The following ANK1 variants were observed in gnomAD, a reference collection of about 807,000 sequenced individuals.
The protein encoded by ANK1 is ankyrin-1.
ANK1 carries 51 observed loss-of-function variants against 210.4 expected under a neutral mutation model. The observed-to-expected ratio is 0.24, with a 90% CI of 0.19 to 0.31. The LOEUF is 0.31. Ranked by LOEUF, ANK1 falls within the 10% of genes least tolerant of loss-of-function variation. The pLI is 1.00. For synonymous variants in ANK1, 967 were observed against 1,025.9 expected (o/e 0.94, Z 1.10); for missense variants, 2,051 against 2,504.4 (o/e 0.82, Z 3.86).
chr8:41,831,141 C>G (rs1806528918), intron 1 of ANK1, among the ~76,000 whole-genome samples: 1 of 152,164 alleles, frequency 6.6e-6, no homozygotes, highest in South Asian at 2.1e-4. Flanking sequence ...CGACGACCTT[C>G]CTTAAAACTA....
At chr8:41,788,539 A>G (rs1472896508) in intron 1 of ANK1, among the ~76,000 whole-genome samples, 1 of 152,156 alleles carries the variant, frequency 6.6e-6, no homozygotes, top group Non-Finnish European at 1.5e-5. Flanking sequence ...CACTCTTCCT[A>G]GCTGCAATCT....
At chr8:41,690,669 C>A in intron 31 of ANK1, 70 bp from the exon 32 acceptor site, 3 of 1,570,096 alleles carry the variant, frequency 1.9e-6, no homozygotes, top group Non-Finnish European at 2.6e-6. Context: ...CTTCCACCTT[C>A]GGTCCTTCCC....
intron 1 of ANK1, among the ~76,000 whole-genome samples, chr8:41,895,996 G>GCCCA (rs1468845785): frequency 2.0e-5 from 3 of 152,154 alleles, no homozygotes; most frequent in Non-Finnish European, 4.4e-5. Context: ...GAGCAGGGCA[G>GCCCA]CCCACCACCC....
At chr8:41,665,576 C>G (rs1471908978) in intron 39 of ANK1, 3 of 318,530 alleles carry the variant, frequency 9.4e-6, no homozygotes, top group Non-Finnish European at 1.8e-5. Flanking sequence ...ACTTGTGTGT[C>G]TCCTTGGGCT....
chr8:41,803,060 A>AAAGGAAGGAAGGAAGG (rs66466616), intron 1 of ANK1, among the ~76,000 whole-genome samples: 14 of 59,072 alleles, frequency 2.4e-4, no homozygotes, highest in Admixed American at 1.8e-3. Flanking sequence ...AGAAAGAGAG[A>AAAGGAAGGAAGGAAGG]AAGGAAGGAA....
At chr8:41,805,682 C>T (rs1043181978) in intron 1 of ANK1, among the ~76,000 whole-genome samples, 1 of 152,160 alleles carries the variant, frequency 6.6e-6, no homozygotes, top group African/African-American at 2.4e-5. Context: ...CACATTAATA[C>T]AGACAACATA....
intron 1 of ANK1, among the ~76,000 whole-genome samples, chr8:41,850,678 C>T (rs182667253): frequency 2.5e-4 from 38 of 152,300 alleles, no homozygotes; most frequent in Non-Finnish European, 4.4e-4. Flanking sequence ...ATGGGAATCT[C>T]ACTATGTTGC....
At chr8:41,676,924 T>A (rs1204805472) in intron 37 of ANK1, among the ~76,000 whole-genome samples, 2 of 152,218 alleles carry the variant, frequency 1.3e-5, no homozygotes, top group Admixed American at 1.3e-4. Flanking sequence ...TCTAAACAAG[T>A]TGTTTCTTCC....
At chr8:41,850,120 C>T (rs993215007) in intron 1 of ANK1, among the ~76,000 whole-genome samples, 1 of 152,170 alleles carries the variant, frequency 6.6e-6, no homozygotes, top group Non-Finnish European at 1.5e-5. Context: ...TCGCTTCACC[C>T]TTTATAAGAT....
rs971639351 is a variant in ANK1 at position 41,797,468 on chromosome 8, T to G, written c.27+44A>C. Reference sequence around the variant, plus strand: ...TACTGGCGCGGCCTGGGTGGCCCCCTCCTGACATCTCCCCGTCCACCCGAG... The same window carrying G: ...TACTGGCGCGGCCTGGGTGGCCCCCGCCTGACATCTCCCCGTCCACCCGAG... On this transcript the variant is annotated intron_variant, in intron 1 of 42. Coordinates refer to ENST00000289734, the MANE Select transcript of ANK1 (RefSeq NM_000037.4). The surrounding 1 kb of genome is among the most constrained non-coding windows in gnomAD (Gnocchi z 4.0). 35 of 1,587,622 alleles carry G rather than the reference T, an allele frequency of 2.2e-5. No individual in the cohort carries two copies. Among genetic ancestry groups the G allele is most frequent in the Non-Finnish European group, 2.9e-5 (34 of 1,159,684 alleles).
At position 41,828,177 on chromosome 8, in the gene ANK1, T is replaced by C. The variant is rs1805853176; in HGVS notation, c.126+68178A>G. ...TCCCGGTCGGTCCTCCAGTGCTGAA[T>C]GTTTAATTTCCTATGAAAGGCTGCG... On this transcript the variant is annotated intron_variant, in intron 1 of 42. Transcript: ENST00000265709. 4 of 152,338 alleles carry C rather than the reference T, an allele frequency of 2.6e-5. No individual in the cohort carries two copies. The South Asian group carries it at 8.3e-4, about 32-fold the overall frequency. The allele number at this position is 152,338 out of a possible 1,614,324, so 9.4% of individuals were successfully genotyped here.
At chr8:41,738,189 G>A (rs1833897735) in intron 2 of ANK1, among the ~76,000 whole-genome samples, 1 of 121,108 alleles carries the variant, frequency 8.3e-6, no homozygotes, top group African/African-American at 2.6e-5. Flanking sequence ...ATTAAAAACA[G>A]CAAGATGAGA....
chr8:41,732,214 A>C (rs943306835), intron 3 of ANK1, among the ~76,000 whole-genome samples: 2 of 152,116 alleles, frequency 1.3e-5, no homozygotes, highest in Non-Finnish European at 2.9e-5. Flanking sequence ...GAGAGGCGGC[A>C]AACTGTTTGC....
At chr8:41,855,266 A>C (rs1332915647) in intron 1 of ANK1, among the ~76,000 whole-genome samples, 1 of 152,258 alleles carries the variant, frequency 6.6e-6, no homozygotes, top group Non-Finnish European at 1.5e-5. Context: ...ATGTGACCAA[A>C]GTCACCAGGA....
upstream of ANK1, among the ~76,000 whole-genome samples, chr8:41,799,149 A>C (rs745870154): frequency 7.9e-5 from 12 of 152,226 alleles, no homozygotes; most frequent in Non-Finnish European, 1.8e-4. Flanking sequence ...ACTTGGACTC[A>C]AAACAATGGC....
chr8:41,767,521 T>A (rs938185344), intron 1 of ANK1, among the ~76,000 whole-genome samples: 1 of 151,988 alleles, frequency 6.6e-6, no homozygotes, highest in Admixed American at 6.5e-5. Context: ...GGCCCGGCCC[T>A]GGCCCTGCGC....
intron 1 of ANK1, among the ~76,000 whole-genome samples, chr8:41,820,772 T>G (rs895511753): frequency 6.6e-6 from 1 of 152,152 alleles, no homozygotes; most frequent in African/African-American, 2.4e-5. Flanking sequence ...TAATTGCATA[T>G]GTACACACGA....
At chr8:41,835,181 G>C (rs192570325) in intron 1 of ANK1, among the ~76,000 whole-genome samples, 8 of 152,348 alleles carry the variant, frequency 5.3e-5, no homozygotes, top group African/African-American at 1.7e-4. Context: ...AAGCGGGGTA[G>C]GTGGCTCATG....
rs891128468 is a variant in ANK1, at chr8:41,655,253, A to G, written c.*537T>C. On this transcript the variant is annotated 3_prime_UTR_variant, in exon 43 of 43. Transcript: ENST00000289734. ...TATGTGGGTTGGGGAGGGTGGGCAGATGAGGACATGGCTTAAGATTAAGGT... is the reference window on the plus strand; with the variant it reads ...TATGTGGGTTGGGGAGGGTGGGCAGGTGAGGACATGGCTTAAGATTAAGGT... The G allele has an allele frequency of 6.2e-6, 1 of 160,364 alleles. No individual in the cohort carries two copies. Among genetic ancestry groups the G allele is most frequent in the Non-Finnish European group, 1.4e-5 (1 of 73,636 alleles). The allele number at this position is 160,364 out of a possible 1,614,324, so 9.9% of individuals were successfully genotyped here. A position where few individuals can be genotyped will look rare whatever the true frequency, so the allele number is the denominator to read the frequency against.
Sources: gnomAD v4.1 joint callset for allele counts (sites outside exome capture counted in the v4.1 genomes callset) on GRCh38, gnomAD v4.1.1 for gene constraint, Gnocchi (gnomAD v3.1) non-coding constraint, MANE v1.5 for transcripts, NCBI Gene and HGNC (gene_info 2026-07-23, HGNC 2026-07-21) for gene names.